Variants in CSMD3 observed in about 807,000 individuals in gnomAD.
The protein encoded by CSMD3 is CUB and sushi domain-containing protein 3.
CSMD3 carries 177 observed loss-of-function variants against 435.2 expected under a neutral mutation model. The ratio of observed to expected loss-of-function variants is 0.41; its 90% CI spans 0.36 to 0.46. The LOEUF is 0.46. CSMD3 is among the 20% of genes least tolerant of loss of function. CSMD3 has a pLI of 0.34. For synonymous variants in CSMD3, 1,656 were observed against 1,520.5 expected, an observed-to-expected ratio of 1.09 and a Z score of -2.07; for missense variants, 4,265 against 4,504.6, an observed-to-expected ratio of 0.95 and a Z score of 1.52.
chr8:113,104,833 G>A (rs934581720), intron 4 of CSMD3, among the ~76,000 whole-genome samples: 6 of 152,170 alleles, frequency 3.9e-5, no homozygotes, highest in South Asian at 2.1e-4. Context: ...ACACCTCTGA[G>A]AAGTAAAAAG....
chr8:113,168,346 C>T (rs1259491576), intron 4 of CSMD3, among the ~76,000 whole-genome samples: 1 of 151,612 alleles, frequency 6.6e-6, no homozygotes, highest in African/African-American at 2.4e-5. Flanking sequence ...CATGGTCAAA[C>T]CCTGTCTCTA....
chr8:112,950,573 T>A (rs561561891), intron 8 of CSMD3, among the ~76,000 whole-genome samples: 23 of 152,030 alleles, frequency 1.5e-4, no homozygotes, highest in African/African-American at 5.6e-4. Flanking sequence ...TACATAATAC[T>A]ATAGGTCCAG....
At chr8:112,279,626 C>G (rs527818471) in intron 59 of CSMD3, among the ~76,000 whole-genome samples, 1 of 152,040 alleles carries the variant, frequency 6.6e-6, no homozygotes. Flanking sequence ...CTGAAGGAAA[C>G]AACTATTGTT....
intron 38 of CSMD3, among the ~76,000 whole-genome samples, chr8:112,365,821 A>G (rs1401760314): frequency 6.6e-6 from 1 of 152,182 alleles, no homozygotes; most frequent in Non-Finnish European, 1.5e-5. Flanking sequence ...GAGGAAAAAT[A>G]TCATCTCGTT....
chr8:112,237,569 A>G (rs1265273087), intron 66 of CSMD3, among the ~76,000 whole-genome samples: 1 of 152,150 alleles, frequency 6.6e-6, no homozygotes, highest in African/African-American at 2.4e-5. Flanking sequence ...GAGAAGAGAG[A>G]AATAGAAAAC....
chr8:112,246,700 T>G (rs933975100), intron 64 of CSMD3, among the ~76,000 whole-genome samples: 2 of 152,180 alleles, frequency 1.3e-5, no homozygotes, highest in African/African-American at 4.8e-5. Context: ...TCGGGTATTT[T>G]AGATTACTTC....
intron 6 of CSMD3, among the ~76,000 whole-genome samples, chr8:113,002,125 T>C (rs1375934199): frequency 6.6e-6 from 1 of 152,114 alleles, no homozygotes; most frequent in Non-Finnish European, 1.5e-5. Flanking sequence ...AGCTGACTTT[T>C]GGTTTTTAGC....
At chr8:113,345,913 G>C (rs1001502503) in intron 1 of CSMD3, among the ~76,000 whole-genome samples, 1 of 151,848 alleles carries the variant, frequency 6.6e-6, no homozygotes, top group Admixed American at 6.6e-5. Flanking sequence ...CTATTTGCCT[G>C]CTTCTTTGTT....
At chr8:112,587,717 A>C (rs989762860) in intron 22 of CSMD3, among the ~76,000 whole-genome samples, 7 of 151,876 alleles carry the variant, frequency 4.6e-5, no homozygotes, top group Admixed American at 3.9e-4. Flanking sequence ...AATTTCAATA[A>C]TAAAAAGGGA....
rs10577337 is a variant in CSMD3 at position 112,270,343 on chromosome 8, AGTGTGTGTGTGTGTGT to A, written c.9509-4769_9509-4754del. On this transcript the variant is annotated intron_variant, in intron 59 of 70. Transcript: ENST00000297405. The stretch of plus-strand genomic sequence containing the variant: ...AGAATTTCTAAAAAACAGAGGGGTG[AGTGTGTGTGTGTGTGT>A]GTGTGTGTGTGTGTGTGTGTGTGTG... Among the ~76,000 whole-genome samples the A allele has an allele frequency of 6.0e-3, 740 of 124,302 alleles. 3 individuals carry two copies. The highest frequency in any genetic ancestry group is 0.016 in the African/African-American group (589 of 36,348). 81.5% of individuals were successfully genotyped at this position (124,302 alleles called of 152,430 possible).
chr8:112,961,530 A>C (rs2084230119), intron 7 of CSMD3, among the ~76,000 whole-genome samples: 1 of 151,882 alleles, frequency 6.6e-6, no homozygotes, highest in East Asian at 1.9e-4. Flanking sequence ...CTAGTTTCTA[A>C]ATATTTGGAA....
At position 112,280,070 on chromosome 8, in the gene CSMD3, T is replaced by TGCAAACA. The variant is rs564397755; in HGVS notation, c.9508+1103_9508+1104insTGTTTGC. ...ATGCAAACAAAAAGGAGCCCAGAAA[T>TGCAAACA]AAAAGGGGATTATCTCACCCACACA... On this transcript the variant is annotated intron_variant, in intron 59 of 70. Transcript: ENST00000297405. Among the ~76,000 whole-genome samples the TGCAAACA allele has an allele frequency of 1.0e-3, 158 of 152,140 alleles. 1 individual carries two copies. The highest frequency in any genetic ancestry group is 6.8e-3 in the Middle Eastern group (2 of 294).
chr8:113,195,878 G>A (rs2092649493), intron 3 of CSMD3, among the ~76,000 whole-genome samples: 1 of 146,768 alleles, frequency 6.8e-6, no homozygotes, highest in Non-Finnish European at 1.5e-5. Context: ...TCAGTGTTAA[G>A]GGTTTGGGAA....
chr8:113,430,796 A>C (rs769553371), intron 1 of CSMD3, among the ~76,000 whole-genome samples: 1 of 152,180 alleles, frequency 6.6e-6, no homozygotes, highest in African/African-American at 2.4e-5. Flanking sequence ...TACATATGTT[A>C]ATGTAAATTT....
intron 5 of CSMD3, among the ~76,000 whole-genome samples, chr8:113,081,519 C>A (rs1001658821): frequency 1.3e-5 from 2 of 152,134 alleles, no homozygotes; most frequent in African/African-American, 4.8e-5. Context: ...CCCCTCAGCA[C>A]CCCGATACCC....
intron 35 of CSMD3, among the ~76,000 whole-genome samples, chr8:112,395,881 C>A (rs1354191107): frequency 1.3e-5 from 2 of 152,042 alleles, no homozygotes; most frequent in Non-Finnish European, 2.9e-5. Flanking sequence ...TCATTGGTCT[C>A]AAGTCTAATT....
chr8:113,228,296 A>G (rs1020126508), intron 3 of CSMD3, among the ~76,000 whole-genome samples: 1 of 151,598 alleles, frequency 6.6e-6, no homozygotes, highest in African/African-American at 2.4e-5. Context: ...TAAGGTAAAG[A>G]TAATAAAAGT....
chr8:112,423,651 C>T (rs1164651875), intron 32 of CSMD3, among the ~76,000 whole-genome samples: 1 of 152,006 alleles, frequency 6.6e-6, no homozygotes, highest in African/African-American at 2.4e-5. Flanking sequence ...CACCATGTTG[C>T]CCAGGCTGGA....
chr8:112,441,175 C>G (rs376368030), intron 32 of CSMD3, among the ~76,000 whole-genome samples: 171 of 152,186 alleles, frequency 1.1e-3, no homozygotes, highest in Middle Eastern at 6.8e-3. Context: ...TTCAAAGTTC[C>G]ACAGATCTCT....
Sources: allele counts gnomAD v4.1 joint callset (sites outside exome capture counted in the v4.1 genomes callset), GRCh38; gene constraint gnomAD v4.1.1; transcripts MANE v1.5; gene names NCBI Gene and HGNC (gene_info 2026-07-23, HGNC 2026-07-21).